IGF1R: variants seen among roughly 807,000 people sequenced by gnomAD.
IGF1R encodes the protein insulin-like growth factor 1 receptor.
IGF1R carries 44 observed loss-of-function variants against 144.6 expected under a neutral mutation model. The observed-to-expected ratio is 0.30, with a 90% CI of 0.24 to 0.39. The LOEUF (loss-of-function observed/expected upper bound fraction) is 0.39, where lower values mean the gene tolerates loss of function less well. Among genes scored for constraint, IGF1R ranks in the 10% least tolerant of loss-of-function variants. The pLI is 1.00. For synonymous variants in IGF1R, 795 were observed against 722.8 expected, an observed-to-expected ratio of 1.10 and a Z score of -1.60; for missense variants, 1,355 against 1,833.7, an observed-to-expected ratio of 0.74 and a Z score of 4.77.
Position 98,879,244 on chromosome 15 carries a change from T to G in IGF1R, c.641-12081T>G, listed in dbSNP as rs564097838. On this transcript the variant is annotated intron_variant, in intron 2 of 20. Transcript: ENST00000650285. ...TAAAAGAAAGAATTCGGGGATGATTTCAGAGTACACTAGAATATTTTTTAA... is the reference window on the plus strand; with the variant it reads ...TAAAAGAAAGAATTCGGGGATGATTGCAGAGTACACTAGAATATTTTTTAA... 1.5e-3 allele frequency among the ~76,000 whole-genome samples: 232 copies of G among 152,344 alleles called. 3 individuals are homozygous for G. Among genetic ancestry groups the G allele is most frequent in the Admixed American group, 2.7e-3 (41 of 15,302 alleles).
At chr15:98,835,129 C>T (rs1046894576) in intron 2 of IGF1R, among the ~76,000 whole-genome samples, 2 of 139,556 alleles carry the variant, frequency 1.4e-5, no homozygotes, top group African/African-American at 6.0e-5. Flanking sequence ...CCACACACAC[C>T]CACCCCTACA....
rs76300900 is a variant in IGF1R at position 98,663,192 on chromosome 15, G to T, written c.94+13517G>T. On this transcript the variant is annotated intron_variant, in intron 1 of 20. Transcript: ENST00000650285. ...ATGGGTCCTCGGTGTGAGGGGCTGGGTTGCCAGAGGAGCTGTGGGCTGGGG... is the reference window on the plus strand; with the variant it reads ...ATGGGTCCTCGGTGTGAGGGGCTGGTTTGCCAGAGGAGCTGTGGGCTGGGG... 5.5e-3 allele frequency among the ~76,000 whole-genome samples: 845 copies of T among 152,284 alleles called. 4 individuals are homozygous for T. The highest frequency in any genetic ancestry group is 9.8e-3 in the Non-Finnish European group (664 of 68,016).
chr15:98,807,405 T>G (rs1218641692), intron 2 of IGF1R, among the ~76,000 whole-genome samples: 2 of 152,264 alleles, frequency 1.3e-5, no homozygotes. Flanking sequence ...AAACTTTCCT[T>G]GTTGTGCAAC....
chr15:98,882,161 G>T (rs541736992), intron 2 of IGF1R, among the ~76,000 whole-genome samples: 2 of 152,212 alleles, frequency 1.3e-5, no homozygotes, highest in Non-Finnish European at 2.9e-5. Flanking sequence ...AGGGCGTGTT[G>T]CGTGAGTGGT....
chr15:98,775,392 C>T (rs991949316), intron 2 of IGF1R, among the ~76,000 whole-genome samples: 1 of 152,166 alleles, frequency 6.6e-6, no homozygotes, highest in African/African-American at 2.4e-5. Context: ...CCAACTGAAT[C>T]ACCATTTCCA....
intron 2 of IGF1R, among the ~76,000 whole-genome samples, chr15:98,770,856 A>G (rs1252880718): frequency 6.6e-6 from 1 of 152,170 alleles, no homozygotes; most frequent in Non-Finnish European, 1.5e-5. Flanking sequence ...AATTGTGTCA[A>G]AATTCGTCTG....
intron 1 of IGF1R, among the ~76,000 whole-genome samples, chr15:98,651,274 A>G (rs1003971891): frequency 6.6e-6 from 1 of 152,218 alleles, no homozygotes; most frequent in Non-Finnish European, 1.5e-5. Flanking sequence ...CCGCGACGGA[A>G]CGAGAGCAGA....
At chr15:98,921,980 A>G (rs1342700855) in intron 10 of IGF1R, among the ~76,000 whole-genome samples, 168 bp from the exon 11 acceptor site, 5 of 152,206 alleles carry the variant, frequency 3.3e-5, no homozygotes, top group African/African-American at 1.2e-4. Flanking sequence ...TAGAGAAAGC[A>G]AGATAATGAG....
At chr15:98,754,963 C>T (rs1452643366) in intron 2 of IGF1R, among the ~76,000 whole-genome samples, 1 of 152,096 alleles carries the variant, frequency 6.6e-6, no homozygotes, top group Admixed American at 6.6e-5. Flanking sequence ...TATTGTGTGC[C>T]TAGAAGGTGC....
intron 3 of IGF1R, among the ~76,000 whole-genome samples, chr15:98,894,379 A>G (rs1158588081): frequency 6.6e-6 from 1 of 152,274 alleles, no homozygotes; most frequent in Non-Finnish European, 1.5e-5. Context: ...CATCGTCCAT[A>G]GCAGCTTTAT....
rs370322560 is a variant in IGF1R at position 98,811,202 on chromosome 15, G to C, written c.641-80123G>C. 5.8e-4 allele frequency among the ~76,000 whole-genome samples: 89 copies of C among 152,178 alleles called. 3 individuals carry two copies. In the South Asian group the frequency reaches 0.018, roughly 30 times the overall value. On this transcript the variant is annotated intron_variant, in intron 2 of 20. Transcript: ENST00000650285. ...TATAATACCAGCTACTCGAGAGGCT[G>C]AGGCAGGAGAATCACTTGAACCCAG... is the stretch of plus-strand genomic sequence containing the variant.
intron 2 of IGF1R, among the ~76,000 whole-genome samples, chr15:98,721,570 G>A (rs2054247582): frequency 6.6e-6 from 1 of 152,142 alleles, no homozygotes; most frequent in Middle Eastern, 3.2e-3. Flanking sequence ...TTGGACCAGA[G>A]TGAGAAATCT....
chr15:98,905,259 C>T (rs2014676327), intron 5 of IGF1R, among the ~76,000 whole-genome samples: 1 of 152,050 alleles, frequency 6.6e-6, no homozygotes, highest in African/African-American at 2.4e-5. Context: ...TAGGGCCTAC[C>T]CAAGTGTAGA....
chr15:98,938,780 A>G (rs928132708), intron 17 of IGF1R, among the ~76,000 whole-genome samples: 7 of 152,238 alleles, frequency 4.6e-5, no homozygotes, highest in African/African-American at 1.7e-4. Flanking sequence ...TTACTTCCAC[A>G]CAGCCTTTGT....
intron 10 of IGF1R, among the ~76,000 whole-genome samples, chr15:98,918,637 T>C (rs2151685704): frequency 6.6e-6 from 1 of 152,060 alleles, no homozygotes; most frequent in South Asian, 2.1e-4. Context: ...TCCCAGCACT[T>C]TGGGAGGCTG....
chr15:98,716,248 C>T (rs1488718293), intron 2 of IGF1R, among the ~76,000 whole-genome samples: 1 of 152,222 alleles, frequency 6.6e-6, no homozygotes, highest in African/African-American at 2.4e-5. Flanking sequence ...TGAGGGTTTC[C>T]GTGGTCTGCT....
Position 98,948,713 on chromosome 15 carries a change from G to A in IGF1R, c.3722+5G>A, listed in dbSNP as rs2016652547. On this transcript the variant is annotated splice_donor_5th_base_variant and intron_variant, in intron 20 of 20. Transcript: ENST00000650285. ...AGACAACTGTCCTGACATGCTGTAC[G>A]TACTTCCTGGGCCCTCCGTGCTCTT... is the stretch of plus-strand genomic sequence containing the variant. The A allele has an allele frequency of 1.9e-6, 3 of 1,614,010 alleles. No homozygotes were observed. Among genetic ancestry groups the A allele is most frequent in the Non-Finnish European group, 2.5e-6 (3 of 1,179,956 alleles).
intron 15 of IGF1R, among the ~76,000 whole-genome samples, chr15:98,933,601 C>T (rs146937002): frequency 5.4e-4 from 83 of 152,336 alleles, no homozygotes; most frequent in African/African-American, 1.9e-3. Context: ...CCTACGATTA[C>T]AGGCATGAGC....
chr15:98,765,347 C>T (rs190673998), intron 2 of IGF1R, among the ~76,000 whole-genome samples: 25 of 116,190 alleles, frequency 2.2e-4, no homozygotes, highest in Middle Eastern at 0.018. Context: ...GAGACAGTCT[C>T]GCTGTGTTGC....
Sources: gnomAD v4.1 joint callset for allele counts (sites outside exome capture counted in the v4.1 genomes callset) on GRCh38, gnomAD v4.1.1 for gene constraint, MANE v1.5 for transcripts, NCBI Gene and HGNC (gene_info 2026-07-23, HGNC 2026-07-21) for gene names.